The following TMEM117 variants were observed in gnomAD, a reference collection of about 807,000 sequenced individuals.
TMEM117 encodes the protein transmembrane protein 117.
A neutral mutation model predicts 52.4 loss-of-function variants in TMEM117; 27 were observed. The ratio of observed to expected loss-of-function variants is 0.51; its 90% CI spans 0.38 to 0.71. TMEM117 has a LOEUF of 0.71. TMEM117 is among the 30% of genes least tolerant of loss of function. The probability of loss-of-function intolerance (pLI) is 0.00; values close to 1 mark genes in which losing one functional copy is unlikely to be tolerated. For synonymous variants in TMEM117, 215 were observed against 206.3 expected (o/e 1.04, Z -0.36); for missense variants, 556 against 630.5 (o/e 0.88, Z 1.26).
At chr12:43,805,940 G>GC in the TMEM117 span, 1 of 1,530,042 alleles carries the variant, frequency 6.5e-7, no homozygotes, top group East Asian at 2.5e-5. Flanking sequence ...TGGAAGGCAC[G>GC]CCCCCTTCAA....
At chr12:44,118,206 A>T (rs1046420784) in intron 3 of TMEM117, among the ~76,000 whole-genome samples, 4 of 152,214 alleles carry the variant, frequency 2.6e-5, no homozygotes, top group African/African-American at 9.6e-5. Context: ...AAAGACAAAT[A>T]AATAAAAGGA....
chr12:44,310,360 A>G (rs189865065), intron 6 of TMEM117, among the ~76,000 whole-genome samples: 148 of 152,292 alleles, frequency 9.7e-4, no homozygotes, highest in Non-Finnish European at 6.2e-4. Flanking sequence ...CACTGGGGGC[A>G]GGGCACAGTG....
intron 3 of TMEM117, among the ~76,000 whole-genome samples, chr12:44,114,465 A>T (rs1683517116): frequency 6.6e-6 from 1 of 152,130 alleles, no homozygotes; most frequent in East Asian, 1.9e-4. Flanking sequence ...GGAGTACTGA[A>T]CCCAGATCTC....
intron 5 of TMEM117, among the ~76,000 whole-genome samples, chr12:44,273,098 A>C (rs1019911156): frequency 2.6e-5 from 4 of 152,124 alleles, no homozygotes; most frequent in African/African-American, 7.2e-5. Context: ...GGAAACCATC[A>C]TTCTCAGCAA....
At chr12:44,203,204 C>T (rs1011525744) in intron 4 of TMEM117, among the ~76,000 whole-genome samples, 3 of 152,096 alleles carry the variant, frequency 2.0e-5, no homozygotes, top group African/African-American at 7.2e-5. Context: ...TATATGTTAC[C>T]AGGAATTTAT....
At chr12:43,969,356 TAA>T (rs1166788465) in intron 3 of TMEM117, among the ~76,000 whole-genome samples, 2 of 79,556 alleles carry the variant, frequency 2.5e-5, no homozygotes, top group African/African-American at 1.4e-4. Context: ...CCGTCTCTAC[TAA>T]AAAAAAAAAA....
At chr12:43,934,740 A>C (rs753789139) in intron 2 of TMEM117, among the ~76,000 whole-genome samples, 2 of 152,208 alleles carry the variant, frequency 1.3e-5, no homozygotes, top group Non-Finnish European at 1.5e-5. Context: ...TCCTATTCCT[A>C]ATAAGAGATG....
the TMEM117 span, among the ~76,000 whole-genome samples, chr12:44,397,616 A>G: frequency 0.09 from 13,719 of 152,276 alleles, 832 homozygotes; most frequent in Middle Eastern, 0.18. Flanking sequence ...AAGCTTATTT[A>G]CATGTTGAAA....
chr12:44,241,032 C>T (rs1950055244), intron 5 of TMEM117, among the ~76,000 whole-genome samples: 1 of 151,932 alleles, frequency 6.6e-6, no homozygotes, highest in Non-Finnish European at 1.5e-5. Context: ...TTGTGGATAC[C>T]AAAATCCATG....
intron 2 of TMEM117, among the ~76,000 whole-genome samples, chr12:43,920,660 T>A (rs1944678961): frequency 1.3e-5 from 2 of 149,158 alleles, no homozygotes; most frequent in Admixed American, 1.4e-4. Flanking sequence ...CAAGGAGTGA[T>A]CCCTCTGCCT....
At chr12:44,380,288 A>G (rs2138859052) in intron 7 of TMEM117, among the ~76,000 whole-genome samples, 1 of 152,244 alleles carries the variant, frequency 6.6e-6, no homozygotes, top group South Asian at 2.1e-4. Context: ...GATTGGGGAA[A>G]GGTGCTGGTC....
At chr12:44,097,139 G>C (rs913912779) in intron 3 of TMEM117, among the ~76,000 whole-genome samples, 12 of 152,186 alleles carry the variant, frequency 7.9e-5, no homozygotes, top group African/African-American at 2.7e-4. Flanking sequence ...GGCCATCAGA[G>C]AAATGCAAAT....
intron 5 of TMEM117, among the ~76,000 whole-genome samples, chr12:44,235,865 G>T (rs1257835983): frequency 6.6e-6 from 1 of 151,758 alleles, no homozygotes; most frequent in Non-Finnish European, 1.5e-5. Context: ...AGAATATTTT[G>T]CTGACTATAG....
intron 6 of TMEM117, among the ~76,000 whole-genome samples, chr12:44,372,536 G>A (rs1951878338): frequency 6.6e-6 from 1 of 150,758 alleles, no homozygotes; most frequent in Non-Finnish European, 1.5e-5. Flanking sequence ...TGAAGAAAAT[G>A]TTAAAGTTGG....
chr12:44,138,067 A>G (rs1372279582), intron 3 of TMEM117, among the ~76,000 whole-genome samples: 1 of 152,132 alleles, frequency 6.6e-6, no homozygotes, highest in Non-Finnish European at 1.5e-5. Context: ...AAGGAAATGG[A>G]TGATTATCAA....
intron 5 of TMEM117, among the ~76,000 whole-genome samples, chr12:44,232,569 T>C (rs1489022989): frequency 6.6e-6 from 1 of 151,450 alleles, no homozygotes; most frequent in Non-Finnish European, 1.5e-5. Context: ...ATTCTTTGGT[T>C]CTTTATTTTT....
chr12:44,321,994 A>T (rs551059862), intron 6 of TMEM117, among the ~76,000 whole-genome samples: 1 of 152,334 alleles, frequency 6.6e-6, no homozygotes, highest in East Asian at 1.9e-4. Context: ...TGAAACAGGG[A>T]TTCTCATAAA....
rs190772729 is a variant in TMEM117, at chr12:44,382,110, T to A, written c.898+5386T>A. ...GTTTACTTCTATATAAAGCAGCAAT[T>A]CCTTTTATTTGTCCAAAACTCATCT... On this transcript the variant is annotated intron_variant, in intron 7 of 7. Transcript: ENST00000266534. Among the ~76,000 whole-genome samples, 276 of 152,296 alleles carry A rather than the reference T, an allele frequency of 1.8e-3. 2 individuals are homozygous for A. The highest frequency in any genetic ancestry group is 6.4e-3 in the African/African-American group (264 of 41,570).
At chr12:44,030,302 A>G (rs1194398320) in intron 3 of TMEM117, among the ~76,000 whole-genome samples, 1 of 152,230 alleles carries the variant, frequency 6.6e-6, no homozygotes, top group Non-Finnish European at 1.5e-5. Context: ...TGTTCAATTT[A>G]CCTACCTTGG....
Sources: allele counts gnomAD v4.1 joint callset (sites outside exome capture counted in the v4.1 genomes callset), GRCh38; gene constraint gnomAD v4.1.1; transcripts MANE v1.5; gene names NCBI Gene and HGNC (gene_info 2026-07-23, HGNC 2026-07-21).